The following PRELID2 variants were observed in gnomAD, a reference collection of about 807,000 sequenced individuals.
PRELID2 encodes the protein PRELI domain-containing protein 2.
In PRELID2, 25 loss-of-function variants were observed where a neutral mutation model predicts 28.4. That is an observed-to-expected ratio of 0.88 (90% confidence interval 0.64 to 1.23). PRELID2 has a LOEUF of 1.23. Ranked by LOEUF, PRELID2 falls within the 50% of genes most tolerant of loss-of-function variation. The pLI, the probability that PRELID2 is intolerant of heterozygous loss-of-function variation, is 0.00. For missense variants in PRELID2, 201 were observed against 214.4 expected (o/e 0.94, Z 0.39); for synonymous variants, 76 against 71.6 (o/e 1.06, Z -0.31).
At chr5:145,731,527 T>C (rs1239127003) in intron 1 of PRELID2, among the ~76,000 whole-genome samples, 2 of 152,214 alleles carry the variant, frequency 1.3e-5, no homozygotes, top group Admixed American at 6.5e-5. Context: ...ATCTGGGGCA[T>C]GACATTAAAT....
chr5:145,618,696 C>T (rs1171004937), intron 1 of PRELID2, among the ~76,000 whole-genome samples: 1 of 152,138 alleles, frequency 6.6e-6, no homozygotes, highest in Admixed American at 6.5e-5. Flanking sequence ...GGAGCATCAG[C>T]TGTGGTAGCA....
intron 1 of PRELID2, among the ~76,000 whole-genome samples, chr5:145,717,416 G>A (rs575214328): frequency 1.3e-5 from 2 of 152,058 alleles, no homozygotes; most frequent in East Asian, 3.9e-4. Context: ...TTAATTTTAT[G>A]GTATGTGAGT....
chr5:145,263,108 TA>T, the PRELID2 span, among the ~76,000 whole-genome samples: 2 of 151,784 alleles, frequency 1.3e-5, no homozygotes, highest in Non-Finnish European at 2.9e-5. Context: ...TATGTAAAAA[TA>T]AAAAAACTCA....
chr5:145,630,405 C>G (rs191148826), intron 1 of PRELID2, among the ~76,000 whole-genome samples: 27 of 152,208 alleles, frequency 1.8e-4, no homozygotes, highest in Non-Finnish European at 2.9e-4. Flanking sequence ...TTGGGTATGC[C>G]TTACCTATTC....
At chr5:145,684,916 A>G (rs73302045) in intron 1 of PRELID2, among the ~76,000 whole-genome samples, 9,480 of 152,230 alleles carry the variant, frequency 0.062, 945 homozygotes, top group African/African-American at 0.21. Flanking sequence ...TGAAGATGGA[A>G]GGAGGCTTCA....
chr5:145,543,986 C>T (rs534885305), intron 1 of PRELID2, among the ~76,000 whole-genome samples: 33 of 152,034 alleles, frequency 2.2e-4, no homozygotes, highest in African/African-American at 7.2e-4. Context: ...ACAGTGAGAT[C>T]GACTCCAAAA....
intron 1 of PRELID2, among the ~76,000 whole-genome samples, chr5:145,480,746 T>C (rs148847970): frequency 1.8e-3 from 278 of 152,258 alleles, no homozygotes; most frequent in African/African-American, 6.4e-3. Context: ...ATCTGCTACA[T>C]TTAAAAAATA....
At chr5:145,281,834 A>G in the PRELID2 span, among the ~76,000 whole-genome samples, 2 of 152,250 alleles carry the variant, frequency 1.3e-5, no homozygotes, top group Non-Finnish European at 2.9e-5. Flanking sequence ...TCTCAGATCC[A>G]CAATAAATAA....
intron 4 of PRELID2, among the ~76,000 whole-genome samples, chr5:145,803,260 G>C (rs1200651761): frequency 1.3e-5 from 2 of 152,138 alleles, no homozygotes; most frequent in Non-Finnish European, 2.9e-5. Context: ...CAGGATGGCA[G>C]ACTATGTAGT....
At chr5:145,491,466 T>C (rs1046655231) in intron 1 of PRELID2, among the ~76,000 whole-genome samples, 6 of 152,192 alleles carry the variant, frequency 3.9e-5, no homozygotes, top group Admixed American at 1.3e-4. Flanking sequence ...TGTACAAATA[T>C]TTTGAAGTAT....
At chr5:145,541,726 C>G (rs1049379263) in intron 1 of PRELID2, among the ~76,000 whole-genome samples, 22 of 151,854 alleles carry the variant, frequency 1.4e-4, no homozygotes, top group African/African-American at 5.3e-4. Context: ...TTTATGAATT[C>G]TTTTCTTTAT....
At chr5:145,596,084 A>G (rs1398422069) in intron 1 of PRELID2, among the ~76,000 whole-genome samples, 1 of 131,854 alleles carries the variant, frequency 7.6e-6, no homozygotes, top group Non-Finnish European at 1.6e-5. Context: ...TGGGTGACAG[A>G]GTGAGAGCCT....
chr5:145,440,559 C>T, the PRELID2 span, among the ~76,000 whole-genome samples: 1 of 152,092 alleles, frequency 6.6e-6, no homozygotes, highest in Non-Finnish European at 1.5e-5. Context: ...AAAGTTCTTA[C>T]AATGGGCTGA....
At chr5:145,528,564 T>TA (rs2126658286) in intron 1 of PRELID2, among the ~76,000 whole-genome samples, 1 of 152,072 alleles carries the variant, frequency 6.6e-6, no homozygotes, top group Admixed American at 6.6e-5. Context: ...CTCAAGTTTT[T>TA]ATCACAGTGA....
At chr5:145,357,279 T>G in the PRELID2 span, among the ~76,000 whole-genome samples, 1 of 152,338 alleles carries the variant, frequency 6.6e-6, no homozygotes, top group Admixed American at 6.5e-5. Flanking sequence ...TTGAGGGTTG[T>G]CCTCTCTAGT....
At chr5:145,736,294 G>C (rs911279415) in intron 1 of PRELID2, among the ~76,000 whole-genome samples, 1 of 152,094 alleles carries the variant, frequency 6.6e-6, no homozygotes, top group Non-Finnish European at 1.5e-5. Context: ...TGTTTCAATT[G>C]AGTTCTTTGC....
chr5:145,259,918 A>G, the PRELID2 span, among the ~76,000 whole-genome samples: 1 of 152,232 alleles, frequency 6.6e-6, no homozygotes, highest in East Asian at 1.9e-4. Context: ...TATAATCCCC[A>G]ATGTTGGATG....
At chr5:145,621,741 G>C (rs1753777046) in intron 1 of PRELID2, among the ~76,000 whole-genome samples, 1 of 152,152 alleles carries the variant, frequency 6.6e-6, no homozygotes, top group South Asian at 2.1e-4. Flanking sequence ...GAGAATTATA[G>C]CTAGATTGGA....
intron 5 of PRELID2, among the ~76,000 whole-genome samples, chr5:145,793,825 G>T (rs931378972): frequency 3.3e-5 from 5 of 152,098 alleles, no homozygotes; most frequent in African/African-American, 1.2e-4. Flanking sequence ...TAAGGTGAAT[G>T]AAACCACTTC....
Sources: gnomAD v4.1 joint callset for allele counts (sites outside exome capture counted in the v4.1 genomes callset) on GRCh38, gnomAD v4.1.1 for gene constraint, MANE v1.5 for transcripts, NCBI Gene and HGNC (gene_info 2026-07-23, HGNC 2026-07-21) for gene names.